Variants in GALNTL5 observed in about 807,000 individuals in gnomAD.
GALNTL5 encodes the protein polypeptide N-acetylgalactosaminyltransferase like 5, also known as inactive polypeptide N-acetylgalactosaminyltransferase-like protein 5.
In GALNTL5, 44 loss-of-function variants were observed where a neutral mutation model predicts 51.0. The observed-to-expected ratio is 0.86, with a 90% CI of 0.68 to 1.11. The LOEUF (loss-of-function observed/expected upper bound fraction) is 1.11. Ranked by LOEUF, GALNTL5 falls within the 50% of genes least tolerant of loss-of-function variation. The probability of loss-of-function intolerance (pLI) is 0.00; values close to 1 mark genes in which losing one functional copy is unlikely to be tolerated. For missense variants in GALNTL5, 528 were observed against 531.8 expected (o/e 0.99, Z 0.07); for synonymous variants, 192 against 182.8 (o/e 1.05, Z -0.41).
intron 7 of GALNTL5, among the ~76,000 whole-genome samples, chr7:152,010,594 C>T (rs928758834): frequency 4.6e-5 from 7 of 151,714 alleles, no homozygotes; most frequent in African/African-American, 1.7e-4. Flanking sequence ...ATGGTGAAAC[C>T]CCGTCTCTTC....
chr7:152,007,521 C>T (rs996948776), intron 6 of GALNTL5, among the ~76,000 whole-genome samples: 43 of 148,770 alleles, frequency 2.9e-4, no homozygotes, highest in East Asian at 4.0e-4. Flanking sequence ...CAGGTACAAG[C>T]GATTCTCCTG....
At position 152,002,718 on chromosome 7, in the gene GALNTL5, T is replaced by C. The variant is rs759086684; in HGVS notation, c.663T>C (p.Asp221=). 36 of 1,613,976 alleles carry C rather than the reference T, an allele frequency of 2.2e-5. No individual in the cohort carries two copies. The highest frequency in any genetic ancestry group is 3.0e-5 in the Non-Finnish European group (35 of 1,179,992). ...GCCCTGTTCTTGCCTCCCCAGGGGA[T>C]GTTCTGGTGTTCCTGGACAGCCACT... ...RLIGASHASG[D]VLVFLDSHCE... is the part of the protein sequence containing the mutation. The change falls in exon 6 of 9, where the codon GAT becomes GAC. Residue 221 remains aspartate, a synonymous_variant. Coordinates refer to ENST00000392800, the MANE Select transcript of GALNTL5 (RefSeq NM_145292.4).
rs76767847 is a variant in GALNTL5 at position 152,016,404 on chromosome 7, C to CA, written c.1176+1627dup. 4.4e-3 allele frequency among the ~76,000 whole-genome samples: 487 copies of CA among 109,442 alleles called. 1 individual carries two copies. Among genetic ancestry groups the CA allele is most frequent in the East Asian group, 9.1e-3 (34 of 3,716 alleles). The allele number at this position is 109,442 out of a possible 152,430, so 71.8% of individuals were successfully genotyped here. A position where few individuals can be genotyped will look rare whatever the true frequency, so the allele number is the denominator to read the frequency against. Reference sequence around the variant, plus strand: ...GGGCAACGAGAGCAAAACTCCGTCTCAAAAAAAAAAAAAAAATCTTATGGG... The same window carrying CA: ...GGGCAACGAGAGCAAAACTCCGTCTCAAAAAAAAAAAAAAAAATCTTATGGG... On this transcript the variant is annotated intron_variant, in intron 8 of 8. Coordinates refer to ENST00000392800, the MANE Select transcript of GALNTL5 (RefSeq NM_145292.4).
At chr7:151,983,265 C>T (rs2081317846) in intron 4 of GALNTL5, 113 bp downstream of exon 4, 3 of 870,410 alleles carry the variant, frequency 3.4e-6, no homozygotes, top group Non-Finnish European at 1.9e-6. Flanking sequence ...GCAACCTCTG[C>T]CTCCTGAGTT....
chr7:151,966,123 A>G (rs575258350), intron 1 of GALNTL5, among the ~76,000 whole-genome samples: 12 of 152,258 alleles, frequency 7.9e-5, no homozygotes, highest in Non-Finnish European at 1.6e-4. Context: ...TGCTTTTTGC[A>G]CATGATGTTT....
chr7:151,979,918 A>G (rs2081258245), intron 3 of GALNTL5, among the ~76,000 whole-genome samples: 1 of 152,168 alleles, frequency 6.6e-6, no homozygotes, highest in Non-Finnish European at 1.5e-5. Flanking sequence ...CAGTTTTCTT[A>G]AAGTGATACA....
At chr7:151,987,975 C>CGG (rs1411917522) in intron 5 of GALNTL5, among the ~76,000 whole-genome samples, 1 of 152,204 alleles carries the variant, frequency 6.6e-6, no homozygotes, top group Non-Finnish European at 1.5e-5. Flanking sequence ...ACCCTGGGAA[C>CGG]GGCATGACCT....
At chr7:152,013,934 A>G (rs919610096) in intron 7 of GALNTL5, among the ~76,000 whole-genome samples, 8 of 152,230 alleles carry the variant, frequency 5.3e-5, no homozygotes, top group Non-Finnish European at 1.0e-4. Flanking sequence ...ATTAAAAGTG[A>G]GCAACATAAG....
intron 3 of GALNTL5, among the ~76,000 whole-genome samples, chr7:151,974,809 C>T (rs2081187986): frequency 6.6e-6 from 1 of 152,132 alleles, no homozygotes; most frequent in African/African-American, 2.4e-5. Flanking sequence ...TCCCTTCCCC[C>T]ATCACATGAT....
intron 2 of GALNTL5, among the ~76,000 whole-genome samples, chr7:151,970,020 C>T (rs1477633244): frequency 6.6e-6 from 1 of 151,900 alleles, no homozygotes; most frequent in Non-Finnish European, 1.5e-5. Flanking sequence ...CCGTGTTAGC[C>T]AGGATGGTGT....
rs1563017642 is a variant in GALNTL5 at position 151,995,347 on chromosome 7, AAT to A, written c.659-7366_659-7365del. On this transcript the variant is annotated intron_variant, in intron 5 of 8. Transcript: ENST00000392800. ...AAGAAATCTACGATCAGTTGGTATGAATTTTTTTTTTTTTTTTTTTTTTTTTT... is the reference window on the plus strand; with the variant it reads ...AAGAAATCTACGATCAGTTGGTATGATTTTTTTTTTTTTTTTTTTTTTTTT... 35 of 91,048 alleles carry A rather than the reference AAT, an allele frequency of 3.8e-4. 1 individual carries two copies. The highest frequency in any genetic ancestry group is 9.9e-4 in the East Asian group (3 of 3,030). 5.6% of individuals were successfully genotyped at this position (91,048 alleles called of 1,614,324 possible).
intron 7 of GALNTL5, among the ~76,000 whole-genome samples, chr7:152,013,185 C>A (rs531846135): frequency 5.3e-5 from 8 of 152,112 alleles, no homozygotes; most frequent in Middle Eastern, 6.8e-3. Flanking sequence ...ATACTGGGGC[C>A]TTCCTGAGGG....
At chr7:151,981,607 C>CTCCT (rs141119787) in intron 3 of GALNTL5, among the ~76,000 whole-genome samples, 2 of 56,594 alleles carry the variant, frequency 3.5e-5, no homozygotes, top group African/African-American at 1.8e-4. Context: ...CCTTCCTTCC[C>CTCCT]TCCTTCCTTC....
At chr7:151,966,201 C>T (rs923131452) in intron 1 of GALNTL5, among the ~76,000 whole-genome samples, 11 of 152,016 alleles carry the variant, frequency 7.2e-5, no homozygotes, top group Admixed American at 7.2e-4. Context: ...AGAGTAGCCT[C>T]ACTTTATTAG....
chr7:151,990,580 C>CAAAAAAAAAAAAAAAAAG (rs575658831), intron 5 of GALNTL5, among the ~76,000 whole-genome samples: 1 of 21,658 alleles, frequency 4.6e-5, no homozygotes, highest in African/African-American at 1.7e-4. Context: ...GACTCCATCT[C>CAAAAAAAAAAAAAAAAAG]AAAAAAAAAA....
chr7:152,014,619 T>A lies in GALNTL5; in HGVS notation c.1027-25T>A, dbSNP rs10240928. ...TGTTAGCAGTAATAATGCATTCGTA[T>A]GTTTTTTGTTCTTCTTATGCCTAGA... On this transcript the variant is annotated intron_variant, in intron 7 of 8. Transcript: ENST00000392800. 2.1e-3 allele frequency: 3,349 copies of A among 1,582,854 alleles called. 71 individuals are homozygous for A. The African/African-American group carries it at 0.041, about 19-fold the overall frequency.
chr7:151,982,993 C>T lies in GALNTL5; in HGVS notation c.376C>T (p.Gln126Ter), dbSNP rs568960098. The T allele has an allele frequency of 1.2e-6, 2 of 1,614,106 alleles. No homozygotes were observed. Among genetic ancestry groups the T allele is most frequent in the Admixed American group, 1.7e-5 (1 of 60,018 alleles). Reference sequence around the variant, plus strand: ...TATTGCTTCTGCCTGCAGGTGTCTTCAAAAACATTACCCAGCCCGCCTCCC... The same window carrying T: ...TATTGCTTCTGCCTGCAGGTGTCTTTAAAAACATTACCCAGCCCGCCTCCC... ...VPDTRSKMCL[Q>*]KHYPARLPTA... Residue 126 changes from glutamine to a stop codon, truncating the protein, a stop_gained, in exon 4 of 9, where the codon CAA (glutamine) becomes TAA (stop). Transcript: ENST00000392800. LOFTEE classifies it high-confidence loss of function.
At chr7:151,970,155 G>A (rs79943994) in intron 2 of GALNTL5, among the ~76,000 whole-genome samples, 2 of 143,924 alleles carry the variant, frequency 1.4e-5, no homozygotes, top group Non-Finnish European at 3.0e-5. Flanking sequence ...AGTTGGGGGG[G>A]CCCCCACCAA....
intron 1 of GALNTL5, among the ~76,000 whole-genome samples, chr7:151,961,872 AAAAAT>A (rs748123548): frequency 7.9e-5 from 12 of 152,330 alleles, no homozygotes; most frequent in Non-Finnish European, 1.3e-4. Flanking sequence ...CATACATATA[AAAAAT>A]AAAATAAAAA....
Sources: allele counts gnomAD v4.1 joint callset (sites outside exome capture counted in the v4.1 genomes callset), GRCh38; gene constraint gnomAD v4.1.1; transcripts MANE v1.5; gene names NCBI Gene and HGNC (gene_info 2026-07-23, HGNC 2026-07-21).